The following ZMYM3 variants were observed in gnomAD, a reference collection of about 807,000 sequenced individuals.
ZMYM3 encodes the protein zinc finger MYM-type containing 3, also known as zinc finger MYM-type protein 3.
In ZMYM3, 6 loss-of-function variants were observed where a neutral mutation model predicts 94.2. The observed-to-expected ratio is 0.06, with a 90% CI of 0.03 to 0.13. ZMYM3 has a LOEUF of 0.13. ZMYM3 is among the 10% of genes least tolerant of loss of function. ZMYM3 has a pLI of 1.00. For missense variants in ZMYM3, 664 were observed against 1,132.6 expected, an observed-to-expected ratio of 0.59 and a Z score of 5.94; for synonymous variants, 420 against 426.5, an observed-to-expected ratio of 0.98 and a Z score of 0.19.
In ZMYM3 at chrX:71,251,548, T is replaced by TC. The variant is rs1228058791; in HGVS notation, c.711+9dup. On this transcript the variant is annotated intron_variant, in intron 3 of 24. Coordinates refer to ENST00000314425, the MANE Select transcript of ZMYM3 (RefSeq NM_201599.3). ...GGGAACCAGACTCCTTCCAATCCCC[T>TC]CCCCCTCACCCGTTCAGGCGGCTTC... The TC allele has an allele frequency of 4.2e-6, 5 of 1,185,251 alleles. No homozygotes were observed. The highest frequency in any genetic ancestry group is 5.7e-6 in the Non-Finnish European group (5 of 882,334).
intron 2 of ZMYM3, chrX:71,251,935 G>T (rs1200431566): frequency 1.4e-6 from 1 of 694,470 alleles, no homozygotes; most frequent in Non-Finnish European, 1.7e-6. Flanking sequence ...ACCACCCAAA[G>T]GTAGCAAAAG....
intron 14 of ZMYM3, 28 bp downstream of exon 14, chrX:71,246,567 T>G (rs765439032): frequency 8.3e-7 from 1 of 1,205,854 alleles, no homozygotes; most frequent in South Asian, 1.8e-5. Flanking sequence ...CCTCTGAGAT[T>G]ATCCTCCCCC....
chrX:71,245,635 C>G (rs751498311), intron 17 of ZMYM3, 33 bp downstream of exon 17: 6 of 1,198,413 alleles, frequency 5.0e-6, no homozygotes, highest in Non-Finnish European at 6.8e-6. Flanking sequence ...TGGTAGCACC[C>G]TGTCTCCCTC....
rs1437173545 is a variant in ZMYM3 at position 71,247,328 on chromosome X, C to T, written c.2314+17G>A. On this transcript the variant is annotated intron_variant, in intron 13 of 24. Coordinates refer to ENST00000314425, the MANE Select transcript of ZMYM3 (RefSeq NM_201599.3). Reference sequence around the variant, plus strand: ...CAGGCTCCCTCTAACAGAGTGTACCCCCTGCCTGGGACTCACTGTTCAGGA... The same window carrying T: ...CAGGCTCCCTCTAACAGAGTGTACCTCCTGCCTGGGACTCACTGTTCAGGA... 3.4e-6 allele frequency: 4 copies of T among 1,175,128 alleles called. No homozygotes were observed. Among genetic ancestry groups the T allele is most frequent in the Non-Finnish European group, 4.6e-6 (4 of 875,194 alleles).
chrX:71,255,097 T>TCTCTCTCC (rs2030696955), upstream of ZMYM3: 2 of 48,469 alleles, frequency 4.1e-5, no homozygotes, highest in East Asian at 6.6e-4. Context: ...TCTCTCTCTC[T>TCTCTCTCC]CTCTCTCTCT....
chrX:71,246,474 G>GGTGGGAGCA lies in ZMYM3; in HGVS notation c.2442_2450dup (p.Ala815_Thr817dup). On this transcript the variant is annotated inframe_insertion, in exon 15 of 25. Transcript: ENST00000314425. ...TTGCTGGGGGTGGTGGGGGTGGAGG[G>GGTGGGAGCA]GTGGGAGCAGTGGGAGCTGATCGGG... The GGTGGGAGCA allele has an allele frequency of 8.7e-7, 1 of 1,154,449 alleles. No individual in the cohort carries two copies. The highest frequency in any genetic ancestry group is 1.2e-6 in the Non-Finnish European group (1 of 866,509).
At chrX:71,245,106 G>GT (rs1297560698) in intron 18 of ZMYM3, among the ~76,000 whole-genome samples, 8 of 60,667 alleles carry the variant, frequency 1.3e-4, no homozygotes, top group Non-Finnish European at 2.3e-4. Context: ...AAAATTTTAT[G>GT]TTTTTTTTCA....
At chrX:71,242,009 A>G (rs1282459859) in intron 23 of ZMYM3, among the ~76,000 whole-genome samples, 161 bp downstream of exon 23, 7 of 107,059 alleles carry the variant, frequency 6.5e-5, no homozygotes, top group Non-Finnish European at 1.3e-4. Context: ...CCTATCAGGT[A>G]GGAGGACTGG....
intron 9 of ZMYM3, 68 bp from the exon 10 acceptor site, chrX:71,248,592 T>C: frequency 4.3e-6 from 5 of 1,160,753 alleles, no homozygotes; most frequent in Non-Finnish European, 5.8e-6. Context: ...GGAGTCAGGC[T>C]TGTTCTTTGC....
At chrX:71,248,130 A>G in intron 11 of ZMYM3, 32 bp downstream of exon 11, 1 of 1,207,392 alleles carries the variant, frequency 8.3e-7, no homozygotes, top group South Asian at 1.8e-5. Flanking sequence ...GCTGGGAGTT[A>G]TAGTGTCTTC....
rs369773759 is a variant in ZMYM3 at position 71,253,090 on chromosome X, C to T, written c.166G>A (p.Ala56Thr). 3.3e-6 allele frequency: 4 copies of T among 1,199,869 alleles called. No individual in the cohort carries two copies. Among genetic ancestry groups the T allele is most frequent in the Admixed American group, 2.2e-5 (1 of 44,581 alleles). Residue 56 changes from alanine to threonine, a missense_variant, in exon 2 of 25, where the codon GCC (alanine) becomes ACC (threonine). Around this residue, in one of 9 missense-constraint regions of ZMYM3, gnomAD observed 196 missense variants for 190.8 expected, o/e 1.03. Transcript: ENST00000314425. ...APPGPSPSSG[A>T]LDLLDTPAGL... ...GCAGGGGTATCAAGCAGGTCCAGGGCTCCCGAGGATGGAGAAGGGCCAGGG... is the reference window on the plus strand; with the variant it reads ...GCAGGGGTATCAAGCAGGTCCAGGGTTCCCGAGGATGGAGAAGGGCCAGGG...
upstream of ZMYM3, chrX:71,254,193 G>A (rs944692694): frequency 8.9e-6 from 1 of 112,620 alleles, no homozygotes; most frequent in African/African-American, 3.2e-5. Context: ...CGGGCGGGCG[G>A]TGCCAGCAAC....
chrX:71,248,821 A>G lies in ZMYM3; in HGVS notation c.1622-20T>C. ...GAGGGCCTGGGGCATAGAGAGAAAGAGAGAGAGGAAAAGAGAAAGAGAGAG... is the reference window on the plus strand; with the variant it reads ...GAGGGCCTGGGGCATAGAGAGAAAGGGAGAGAGGAAAAGAGAAAGAGAGAG... On this transcript the variant is annotated intron_variant, in intron 8 of 24. Coordinates refer to ENST00000314425, the MANE Select transcript of ZMYM3 (RefSeq NM_201599.3). 1 of 1,160,723 alleles carries G rather than the reference A, an allele frequency of 8.6e-7. No homozygotes were observed. Among genetic ancestry groups the G allele is most frequent in the Non-Finnish European group, 1.2e-6 (1 of 859,726 alleles).
chrX:71,243,247 A>G (rs1383705711), intron 21 of ZMYM3, among the ~76,000 whole-genome samples, 163 bp from the exon 22 acceptor site: 1 of 111,368 alleles, frequency 9.0e-6, no homozygotes, highest in Non-Finnish European at 1.9e-5. Flanking sequence ...GTATACCCAC[A>G]GCTCTGCGCT....
At chrX:71,244,938 A>C in intron 18 of ZMYM3, 45 bp from the exon 19 acceptor site, 21 of 1,063,106 alleles carry the variant, frequency 2.0e-5, no homozygotes, top group Non-Finnish European at 2.5e-5. Flanking sequence ...TTAAGATCTC[A>C]ACCCTGCAGC....
chrX:71,243,311 C>A, intron 21 of ZMYM3, among the ~76,000 whole-genome samples: 1 of 111,052 alleles, frequency 9.0e-6, no homozygotes, highest in Non-Finnish European at 1.9e-5. Flanking sequence ...CTTTAGAAGC[C>A]CACACCTCCT....
At position 71,246,410 on chromosome X, in the gene ZMYM3, T is replaced by A. The variant is rs746864725; in HGVS notation, c.2515A>T (p.Met839Leu). Reference sequence around the variant, plus strand: ...TTGCAGGAGACGCCCCGATTCTGCATCAGTGGCTTACACATGGCAGCCTTG... The same window carrying A: ...TTGCAGGAGACGCCCCGATTCTGCAACAGTGGCTTACACATGGCAGCCTTG... ...KNKAAMCKPL[M>L]QNRGVSCKVE... The change falls in exon 15 of 25, where the codon ATG becomes TTG. Residue 839 changes from methionine (M) to leucine (L), a missense_variant. Around this residue, in one of 9 missense-constraint regions of ZMYM3, gnomAD observed 57 missense variants for 52.0 expected, o/e 1.10. Transcript: ENST00000314425. 1.7e-6 allele frequency: 2 copies of A among 1,183,790 alleles called. No homozygotes were observed. The highest frequency in any genetic ancestry group is 2.3e-6 in the Non-Finnish European group (2 of 884,555).
chrX:71,249,958 C>T (rs1465249004), intron 6 of ZMYM3, 68 bp downstream of exon 6: 6 of 1,117,506 alleles, frequency 5.4e-6, no homozygotes, highest in Non-Finnish European at 5.9e-6. Flanking sequence ...ACCCTGCAGC[C>T]CCAGGATGGG....
In ZMYM3 at chrX:71,250,681, T is replaced by C. The variant is rs779567241; in HGVS notation, c.824A>G (p.Asn275Ser). Residue 275 changes from asparagine (N) to serine (S), a missense_variant, in exon 5 of 25, where the codon AAT becomes AGT. By Grantham distance (46) the Asn-to-Ser change is conservative. This residue lies in a region of ZMYM3 where 45 missense variants were observed against 92.9 expected (regional missense o/e 0.48). Transcript: ENST00000314425. ...CCGGAATGGCACAAAGTCCTCATCA[T>C]TGGGGTCATCTACCATGGCATCAGA... is the stretch of plus-strand genomic sequence containing the variant. ...EDSDAMVDDP[N>S]DEDFVPFRPR... 6 of 1,204,498 alleles carry C rather than the reference T, an allele frequency of 5.0e-6. No homozygotes were observed. Among genetic ancestry groups the C allele is most frequent in the Admixed American group, 4.4e-5 (2 of 45,347 alleles).
Sources: gnomAD v4.1 joint callset for allele counts (sites outside exome capture counted in the v4.1 genomes callset) on GRCh38, gnomAD v4.1.1 for gene constraint, gnomAD v4.1.1 regional missense constraint, MANE v1.5 for transcripts, NCBI Gene and HGNC (gene_info 2026-07-23, HGNC 2026-07-21) for gene names.